The following FRMD4B variants were observed in gnomAD, a reference collection of about 807,000 sequenced individuals.
FRMD4B encodes the protein FERM domain-containing protein 4B.
FRMD4B carries 74 observed loss-of-function variants against 141.5 expected under a neutral mutation model. The observed-to-expected ratio is 0.52, with a 90% CI of 0.43 to 0.63. The LOEUF (loss-of-function observed/expected upper bound fraction) is 0.63. Among genes scored for constraint, FRMD4B ranks in the 30% least tolerant of loss-of-function variants. The pLI, the probability that FRMD4B is intolerant of heterozygous loss-of-function variation, is 0.00. For synonymous variants in FRMD4B, 506 were observed against 467.9 expected, an observed-to-expected ratio of 1.08 and a Z score of -1.05; for missense variants, 1,366 against 1,253.4, an observed-to-expected ratio of 1.09 and a Z score of -1.36.
At chr3:69,436,096 A>T (rs1337780887) in intron 1 of FRMD4B, among the ~76,000 whole-genome samples, 1 of 152,204 alleles carries the variant, frequency 6.6e-6, no homozygotes, top group Non-Finnish European at 1.5e-5. Flanking sequence ...GAAGTTATGT[A>T]TGCACTGGAA....
At chr3:69,476,128 G>T (rs1575815947) in intron 1 of FRMD4B, among the ~76,000 whole-genome samples, 1 of 150,808 alleles carries the variant, frequency 6.6e-6, no homozygotes, top group East Asian at 1.9e-4. Flanking sequence ...AGTAGGTTGT[G>T]AAAATTTTCT....
intron 7 of FRMD4B, among the ~76,000 whole-genome samples, chr3:69,227,051 T>C (rs769243528): frequency 1.8e-4 from 28 of 152,162 alleles, no homozygotes; most frequent in Admixed American, 6.6e-4. Flanking sequence ...TGGAGAAAAA[T>C]ACCACCTGTG....
intron 19 of FRMD4B, among the ~76,000 whole-genome samples, chr3:69,186,333 A>C (rs1362538665): frequency 6.7e-6 from 1 of 149,844 alleles, no homozygotes; most frequent in African/African-American, 2.5e-5. Flanking sequence ...TCAATTGTGA[A>C]ATCCTGGGCT....
intron 1 of FRMD4B, chr3:69,536,693 G>A: frequency 1.4e-6 from 1 of 704,044 alleles, no homozygotes; most frequent in African/African-American, 1.8e-5. Flanking sequence ...CAGGAGGGGA[G>A]GCATCAGTAG....
At chr3:69,474,046 C>A (rs1246211629) in intron 1 of FRMD4B, among the ~76,000 whole-genome samples, 1 of 152,194 alleles carries the variant, frequency 6.6e-6, no homozygotes, top group Non-Finnish European at 1.5e-5. Flanking sequence ...CATCCAAGTT[C>A]TCTTCTAAAC....
intron 5 of FRMD4B, among the ~76,000 whole-genome samples, chr3:69,267,624 T>C (rs1238992002): frequency 2.8e-3 from 51 of 18,442 alleles, no homozygotes; most frequent in Middle Eastern, 0.028. Context: ...TATATATATA[T>C]ATATATATAT....
At chr3:69,207,321 AAAG>A (rs1382046141) in intron 11 of FRMD4B, among the ~76,000 whole-genome samples, 10 of 142,242 alleles carry the variant, frequency 7.0e-5, no homozygotes, top group Non-Finnish European at 7.4e-5. Context: ...AAAAAAAAAA[AAAG>A]AAAGAAAGAA....
intron 1 of FRMD4B, among the ~76,000 whole-genome samples, chr3:69,500,077 T>C (rs147815435): frequency 2.0e-5 from 3 of 152,352 alleles, no homozygotes; most frequent in Non-Finnish European, 4.4e-5. Flanking sequence ...GCCTGGCCAC[T>C]TTGGCTTCTT....
At chr3:69,463,871 C>G (rs1281026040) in intron 1 of FRMD4B, among the ~76,000 whole-genome samples, 1 of 152,144 alleles carries the variant, frequency 6.6e-6, no homozygotes, top group Non-Finnish European at 1.5e-5. Context: ...CTCCTGAGTA[C>G]AGCTTTGAAA....
Position 69,180,948 on chromosome 3 carries a change from C to A in FRMD4B, c.2802G>T (p.Gly934=). The A allele has an allele frequency of 1.9e-6, 3 of 1,612,940 alleles. No homozygotes were observed. The highest frequency in any genetic ancestry group is 2.5e-6 in the Non-Finnish European group (3 of 1,179,020). The part of the protein sequence containing the change: ...RGSQRCLGFA[G]LQVPCSPSSR... ...TGCTTGGAGAACAAGGTACTTGCAGCCCCGCAAACCCCAGGCATCTCTGTG... is the reference window on the plus strand; with the variant it reads ...TGCTTGGAGAACAAGGTACTTGCAGACCCGCAAACCCCAGGCATCTCTGTG... The change falls in exon 21 of 23, where the codon GGG becomes GGT. Residue 934 remains glycine (G), a synonymous_variant. Transcript: ENST00000398540.
intron 1 of FRMD4B, among the ~76,000 whole-genome samples, chr3:69,479,951 T>C (rs1368409883): frequency 6.6e-6 from 1 of 152,214 alleles, no homozygotes; most frequent in African/African-American, 2.4e-5. Flanking sequence ...CTTCATTTCA[T>C]TCATTTCATC....
intron 1 of FRMD4B, among the ~76,000 whole-genome samples, chr3:69,345,637 C>G (rs955642374): frequency 1.2e-4 from 18 of 152,176 alleles, no homozygotes; most frequent in Admixed American, 3.9e-4. Flanking sequence ...TGAGACAAAG[C>G]CAAAGAAACG....
At chr3:69,281,597 G>A (rs1010858273) in intron 5 of FRMD4B, among the ~76,000 whole-genome samples, 6 of 151,904 alleles carry the variant, frequency 3.9e-5, no homozygotes, top group Admixed American at 6.6e-5. Flanking sequence ...AGGCTGAGGC[G>A]GGTGGATCAC....
rs111252660 is a variant in FRMD4B at position 69,399,163 on chromosome 3, G to A, written c.-1+33471C>T. On this transcript the variant is annotated intron_variant, in intron 2 of 5. Transcript: ENST00000459638. ...CACATGAATTGTTTATACAGCAAAT[G>A]AAATTGGTTGTATCCATTGCCAAGG... 1.6e-3 allele frequency among the ~76,000 whole-genome samples: 245 copies of A among 152,286 alleles called. 2 individuals carry two copies. The highest frequency in any genetic ancestry group is 5.6e-3 in the African/African-American group (234 of 41,568).
intron 7 of FRMD4B, among the ~76,000 whole-genome samples, chr3:69,236,341 G>T (rs1183134578): frequency 6.6e-6 from 1 of 151,258 alleles, no homozygotes; most frequent in African/African-American, 2.4e-5. Context: ...AGATCCTCCT[G>T]CCTCAGCCTC....
At chr3:69,346,818 G>T (rs6781841) in intron 1 of FRMD4B, among the ~76,000 whole-genome samples, 21,969 of 152,068 alleles carry the variant, frequency 0.14, 2,008 homozygotes, top group African/African-American at 0.24. Context: ...CCCTAAAAGA[G>T]CTCCTGAAGG....
At chr3:69,320,501 G>T (rs985757243) in intron 1 of FRMD4B, among the ~76,000 whole-genome samples, 2 of 152,158 alleles carry the variant, frequency 1.3e-5, no homozygotes, top group African/African-American at 4.8e-5. Flanking sequence ...GCTGAGGCAG[G>T]AGGATCGCTG....
chr3:69,332,265 G>A (rs935828965), intron 1 of FRMD4B, among the ~76,000 whole-genome samples: 1 of 152,170 alleles, frequency 6.6e-6, no homozygotes, highest in African/African-American at 2.4e-5. Flanking sequence ...TAGTCTGAAT[G>A]TTCCATCATC....
intron 7 of FRMD4B, among the ~76,000 whole-genome samples, chr3:69,240,774 T>C (rs1033642446): frequency 9.9e-5 from 15 of 152,166 alleles, no homozygotes; most frequent in African/African-American, 3.6e-4. Flanking sequence ...TGTTATCACT[T>C]AGTGTGTTTC....
Sources: gnomAD v4.1 joint callset for allele counts (sites outside exome capture counted in the v4.1 genomes callset) on GRCh38, gnomAD v4.1.1 for gene constraint, MANE v1.5 for transcripts, NCBI Gene and HGNC (gene_info 2026-07-23, HGNC 2026-07-21) for gene names.